Variants in ZBTB40 observed in about 807,000 individuals in gnomAD.
ZBTB40 encodes the protein zinc finger and BTB domain-containing protein 40.
A neutral mutation model predicts 117.5 loss-of-function variants in ZBTB40; 60 were observed. The ratio of observed to expected loss-of-function variants is 0.51; its 90% CI spans 0.41 to 0.63. ZBTB40 has a LOEUF of 0.63. ZBTB40 is among the 30% of genes least tolerant of loss of function. The probability of loss-of-function intolerance (pLI) is 0.00; values close to 1 mark genes in which losing one functional copy is unlikely to be tolerated. For synonymous variants in ZBTB40, 525 were observed against 577.1 expected (o/e 0.91, Z 1.29); for missense variants, 1,287 against 1,498.5 (o/e 0.86, Z 2.33).
At chr1:22,480,760 A>C (rs1638280203) in intron 1 of ZBTB40, among the ~76,000 whole-genome samples, 1 of 152,196 alleles carries the variant, frequency 6.6e-6, no homozygotes, top group Non-Finnish European at 1.5e-5. Flanking sequence ...TATGATACAG[A>C]GTATAAATTT....
At chr1:22,451,252 G>A (rs1429766975), upstream of ZBTB40, among the ~76,000 whole-genome samples, 1 of 152,182 alleles carries the variant, frequency 6.6e-6, no homozygotes, top group Non-Finnish European at 1.5e-5. Flanking sequence ...TCTCCGCCTC[G>A]CACGTGAATG....
rs1278676722 is a variant in ZBTB40 at position 22,433,437 on chromosome 1, A to AACAAAAACAAAAAC, written c.-70+4424_-70+4425insCAAAAACAAAAACA. ...GACAGAGCAAGACGCCCTCTCAAAA[A>AACAAAAACAAAAAC]AAAAAAAAAAAAAAAAAAAAGACAG... is the stretch of plus-strand genomic sequence containing the variant. On this transcript the variant is annotated intron_variant, in intron 1 of 8. Coordinates refer to the ZBTB40 transcript ENST00000650433. Among the ~76,000 whole-genome samples the AACAAAAACAAAAAC allele has an allele frequency of 6.9e-5, 9 of 131,060 alleles. No individual in the cohort carries two copies. In the South Asian group the frequency reaches 8.2e-4, roughly 12 times the overall value. 86.0% of individuals were successfully genotyped at this position (131,060 alleles called of 152,430 possible). A position where few individuals can be genotyped will look rare whatever the true frequency, so the allele number is the denominator to read the frequency against.
At chr1:22,516,645 C>CCGGGG (rs1427770499) in intron 12 of ZBTB40, among the ~76,000 whole-genome samples, 7 of 152,302 alleles carry the variant, frequency 4.6e-5, no homozygotes, top group African/African-American at 1.7e-4. Context: ...ATCCGGGGTT[C>CCGGGG]TGGTGCCATG....
intron 1 of ZBTB40, among the ~76,000 whole-genome samples, chr1:22,473,036 G>T (rs1206350927): frequency 1.3e-5 from 2 of 152,208 alleles, no homozygotes; most frequent in Non-Finnish European, 2.9e-5. Context: ...GCAAAAGAGG[G>T]ATTTGAGGGT....
chr1:22,468,487 T>TTTTTTTTTTTTG (rs1641315067), intron 1 of ZBTB40, among the ~76,000 whole-genome samples: 1 of 132,744 alleles, frequency 7.5e-6, no homozygotes, highest in Non-Finnish European at 1.6e-5. Context: ...TTTTTTTTTT[T>TTTTTTTTTTTTG]TTTTTGGAGA....
chr1:22,436,308 G>A (rs986583871), intron 1 of ZBTB40, among the ~76,000 whole-genome samples: 3 of 152,008 alleles, frequency 2.0e-5, no homozygotes, highest in Non-Finnish European at 4.4e-5. Flanking sequence ...TCAGGAGGTC[G>A]AGACCATCCT....
chr1:22,468,780 TGGGC>T (rs1641329682), intron 1 of ZBTB40, among the ~76,000 whole-genome samples: 1 of 150,638 alleles, frequency 6.6e-6, no homozygotes. Context: ...ATTATAGGCA[TGGGC>T]TGCCATGCTT....
At position 22,506,070 on chromosome 1, in the gene ZBTB40, G is replaced by T. The variant is rs377109934; in HGVS notation, c.1189G>T (p.Gly397Cys). ...GCAGGTGATTCTGAATTGCTGTGAG[G>T]GCAGAACACCCAAGGAGACAATAGA... ...EKRVILNCCE[G>C]RTPKETIENL... Residue 397 changes from glycine to cysteine, a missense_variant, in exon 6 of 18, where the codon GGC becomes TGC. By Grantham distance (159) the Gly-to-Cys change is radical. Transcript: ENST00000375647. 8 of 1,613,920 alleles carry T rather than the reference G, an allele frequency of 5.0e-6. No individual in the cohort carries two copies. The highest frequency in any genetic ancestry group is 5.9e-6 in the Non-Finnish European group (7 of 1,179,962).
intron 9 of ZBTB40, among the ~76,000 whole-genome samples, chr1:22,509,567 C>T (rs531502337): frequency 2.6e-5 from 4 of 152,310 alleles, no homozygotes; most frequent in Middle Eastern, 3.4e-3. Context: ...AGGCTGGTCT[C>T]GAACTCCTGG....
chr1:22,441,379 G>A (rs1640729678), intron 1 of ZBTB40, among the ~76,000 whole-genome samples: 2 of 147,280 alleles, frequency 1.4e-5, no homozygotes, highest in Admixed American at 1.4e-4. Context: ...TGTCAATTTT[G>A]TTCTTTTCAA....
intron 1 of ZBTB40, among the ~76,000 whole-genome samples, chr1:22,435,107 C>A (rs770572889): frequency 6.6e-6 from 1 of 151,108 alleles, no homozygotes; most frequent in Non-Finnish European, 1.5e-5. Context: ...CTCAACTGAT[C>A]CTCCCACTTT....
chr1:22,471,422 G>T lies in ZBTB40; in HGVS notation c.-69-18458G>T, dbSNP rs139239591. On this transcript the variant is annotated intron_variant, in intron 1 of 17. Coordinates refer to ENST00000375647, the MANE Select transcript of ZBTB40 (RefSeq NM_014870.4). ...TAAGAACACGGAGCCAGGCACATCTGCATTTGGGCTCTGCTCAAACTTATT... is the reference window on the plus strand; with the variant it reads ...TAAGAACACGGAGCCAGGCACATCTTCATTTGGGCTCTGCTCAAACTTATT... 2.6e-5 allele frequency among the ~76,000 whole-genome samples: 4 copies of T among 152,380 alleles called. No individual in the cohort carries two copies. In the East Asian group the frequency reaches 7.7e-4, roughly 29 times the overall value.
chr1:22,479,739 A>G (rs1389536218), intron 1 of ZBTB40, among the ~76,000 whole-genome samples: 1 of 152,068 alleles, frequency 6.6e-6, no homozygotes, highest in African/African-American at 2.4e-5. Flanking sequence ...TGGCTCTCTC[A>G]TTTATCTTCT....
At chr1:22,477,574 G>A (rs1289876052) in intron 1 of ZBTB40, among the ~76,000 whole-genome samples, 1 of 151,746 alleles carries the variant, frequency 6.6e-6, no homozygotes, top group East Asian at 1.9e-4. Flanking sequence ...GCTTGAACCC[G>A]GGAAGCGGAG....
chr1:22,432,609 A>C (rs1178145748), intron 1 of ZBTB40, among the ~76,000 whole-genome samples: 1 of 152,274 alleles, frequency 6.6e-6, no homozygotes, highest in Non-Finnish European at 1.5e-5. Flanking sequence ...TTCATTGCAG[A>C]AAGTCCTGTT....
intron 13 of ZBTB40, among the ~76,000 whole-genome samples, chr1:22,519,423 A>G (rs112825028): frequency 6.6e-6 from 1 of 152,234 alleles, no homozygotes. Flanking sequence ...AATTATGCCC[A>G]TGGGCAAGAT....
chr1:22,484,449 A>G (rs1638410937), intron 1 of ZBTB40, among the ~76,000 whole-genome samples: 1 of 152,102 alleles, frequency 6.6e-6, no homozygotes, highest in Non-Finnish European at 1.5e-5. Context: ...ATTCTACCTT[A>G]TTGCTGGTAT....
At chr1:22,453,936 T>TTTTTA (rs1177502762) in intron 1 of ZBTB40, among the ~76,000 whole-genome samples, 19 of 152,256 alleles carry the variant, frequency 1.2e-4, no homozygotes, top group South Asian at 8.3e-4. Flanking sequence ...ATTGAACAAA[T>TTTTTA]TTTTATTTTA....
chr1:22,517,620 G>T, intron 13 of ZBTB40, 156 bp downstream of exon 13: 1 of 842,002 alleles, frequency 1.2e-6, no homozygotes. Context: ...CTCATTCCTA[G>T]TTCAGGAAGA....
Sources: allele counts gnomAD v4.1 joint callset (sites outside exome capture counted in the v4.1 genomes callset), GRCh38; gene constraint gnomAD v4.1.1; transcripts MANE v1.5; gene names NCBI Gene and HGNC (gene_info 2026-07-23, HGNC 2026-07-21).